The following CERS6 variants were observed in gnomAD, a reference collection of about 807,000 sequenced individuals.
The protein encoded by CERS6 is LAG1 homolog, ceramide synthase 6.
A neutral mutation model predicts 56.8 loss-of-function variants in CERS6; 26 were observed. The ratio of observed to expected loss-of-function variants is 0.46; its 90% CI spans 0.34 to 0.63. The LOEUF is 0.63. Among genes scored for constraint, CERS6 ranks in the 30% least tolerant of loss-of-function variants. CERS6 has a pLI of 0.01. For synonymous variants in CERS6, 164 were observed against 173.3 expected (o/e 0.95, Z 0.42); for missense variants, 415 against 467.5 (o/e 0.89, Z 1.04).
At chr2:168,521,844 T>C (rs1694988203) in intron 1 of CERS6, among the ~76,000 whole-genome samples, 1 of 152,226 alleles carries the variant, frequency 6.6e-6, no homozygotes, top group Admixed American at 6.5e-5. Flanking sequence ...TTTAGAAACC[T>C]TCAGGCCCTA....
chr2:168,722,698 G>A (rs991200413), intron 8 of CERS6, among the ~76,000 whole-genome samples: 5 of 152,028 alleles, frequency 3.3e-5, no homozygotes, highest in South Asian at 4.1e-4. Flanking sequence ...TGACTCATTC[G>A]TCCTGCCTGG....
intron 2 of CERS6, among the ~76,000 whole-genome samples, chr2:168,554,944 AAG>A (rs1363721817): frequency 6.6e-6 from 1 of 152,190 alleles, no homozygotes; most frequent in Non-Finnish European, 1.5e-5. Flanking sequence ...TATTCATAAA[AAG>A]GAATTGAAGA....
intron 1 of CERS6, among the ~76,000 whole-genome samples, chr2:168,493,948 G>C (rs964669778): frequency 6.6e-6 from 1 of 151,964 alleles, no homozygotes; most frequent in Non-Finnish European, 1.5e-5. Flanking sequence ...AGCCAGACTG[G>C]TGTCAAGACT....
chr2:168,683,879 C>A (rs757042965), intron 4 of CERS6, among the ~76,000 whole-genome samples: 2 of 152,012 alleles, frequency 1.3e-5, no homozygotes, highest in Admixed American at 6.6e-5. Flanking sequence ...TGTGTGGAGA[C>A]CCTCAGCTGA....
intron 4 of CERS6, among the ~76,000 whole-genome samples, chr2:168,644,639 T>G (rs991822362): frequency 5.9e-5 from 9 of 152,078 alleles, no homozygotes; most frequent in Non-Finnish European, 1.2e-4. Context: ...GTGTATCACT[T>G]GGAGATTTTG....
At chr2:168,488,533 G>C (rs530947825) in intron 1 of CERS6, among the ~76,000 whole-genome samples, 4 of 152,088 alleles carry the variant, frequency 2.6e-5, no homozygotes, top group African/African-American at 9.6e-5. Context: ...GGTGTGTTTA[G>C]ATCATTTTTG....
At chr2:168,540,783 T>A (rs1266951688) in intron 1 of CERS6, among the ~76,000 whole-genome samples, 1 of 152,202 alleles carries the variant, frequency 6.6e-6, no homozygotes, top group Non-Finnish European at 1.5e-5. Flanking sequence ...GTCTGGTGAA[T>A]TACAATATTT....
At chr2:168,547,095 A>G (rs983218558) in intron 1 of CERS6, among the ~76,000 whole-genome samples, 3 of 152,218 alleles carry the variant, frequency 2.0e-5, no homozygotes, top group Non-Finnish European at 4.4e-5. Flanking sequence ...TTAAGAAGCC[A>G]TGAGGGATTG....
chr2:168,720,227 G>A (rs576283097), intron 8 of CERS6, among the ~76,000 whole-genome samples: 17 of 152,048 alleles, frequency 1.1e-4, no homozygotes, highest in Non-Finnish European at 1.3e-4. Flanking sequence ...ACCGTGCCTG[G>A]CCCAAAATAC....
At chr2:168,545,464 G>T (rs897328801) in intron 1 of CERS6, among the ~76,000 whole-genome samples, 3 of 151,712 alleles carry the variant, frequency 2.0e-5, no homozygotes, top group Non-Finnish European at 4.4e-5. Context: ...GAGAAGGAGA[G>T]ATGTATACAT....
At chr2:168,591,860 G>A (rs567099253) in intron 3 of CERS6, among the ~76,000 whole-genome samples, 1 of 152,314 alleles carries the variant, frequency 6.6e-6, no homozygotes, top group South Asian at 2.1e-4. Context: ...GGACTGTGGA[G>A]GGAGAAGTAC....
intron 1 of CERS6, among the ~76,000 whole-genome samples, chr2:168,512,699 G>A (rs934524564): frequency 2.7e-4 from 37 of 136,048 alleles, no homozygotes; most frequent in African/African-American, 9.9e-4. Flanking sequence ...ACAGAGTCTC[G>A]CTCTGTCACC....
intron 4 of CERS6, among the ~76,000 whole-genome samples, chr2:168,649,101 T>C (rs1685275677): frequency 6.6e-6 from 1 of 152,144 alleles, no homozygotes; most frequent in Admixed American, 6.5e-5. Flanking sequence ...AGAAGGAAAC[T>C]GATTTTAGAG....
intron 4 of CERS6, among the ~76,000 whole-genome samples, chr2:168,681,539 G>A (rs1288888703): frequency 6.6e-6 from 1 of 151,888 alleles, no homozygotes; most frequent in African/African-American, 2.4e-5. Flanking sequence ...ATATTTTTGG[G>A]GTACGGTGTG....
intron 4 of CERS6, among the ~76,000 whole-genome samples, chr2:168,662,206 A>G (rs79466987): frequency 0.022 from 3,385 of 151,414 alleles, 112 homozygotes; most frequent in African/African-American, 0.068. Flanking sequence ...GCTAATTGGA[A>G]TATACTTTTT....
intron 1 of CERS6, among the ~76,000 whole-genome samples, chr2:168,492,630 T>G (rs756706063): frequency 1.3e-5 from 2 of 152,236 alleles, no homozygotes; most frequent in Non-Finnish European, 2.9e-5. Context: ...TAGATCCCAT[T>G]TGTCGATTTT....
chr2:168,605,451 GGCC>G (rs1684030491), intron 3 of CERS6, among the ~76,000 whole-genome samples: 2 of 152,334 alleles, frequency 1.3e-5, no homozygotes, highest in South Asian at 4.1e-4. Flanking sequence ...TTTGCAGCCT[GGCC>G]ATGTGGTAGA....
chr2:168,665,967 T>C (rs13430492), intron 4 of CERS6, among the ~76,000 whole-genome samples: 1 of 140,070 alleles, frequency 7.1e-6, no homozygotes, highest in Admixed American at 7.0e-5. Flanking sequence ...TGTGTGTGTG[T>C]GTGTGTGTGT....
intron 1 of CERS6, among the ~76,000 whole-genome samples, chr2:168,491,333 A>G (rs915093860): frequency 2.4e-4 from 36 of 152,260 alleles, no homozygotes; most frequent in Non-Finnish European, 7.3e-5. Context: ...CATTAAAAGC[A>G]GTCTTAGTTT....
Sources: allele counts gnomAD v4.1 joint callset (sites outside exome capture counted in the v4.1 genomes callset), GRCh38; gene constraint gnomAD v4.1.1; transcripts MANE v1.5; gene names NCBI Gene and HGNC (gene_info 2026-07-23, HGNC 2026-07-21).